The following EYA1 variants were observed in gnomAD, a reference collection of about 807,000 sequenced individuals.
The protein encoded by EYA1 is EYA transcriptional coactivator and phosphatase 1, also known as protein phosphatase EYA1.
Under a neutral mutation model 82.0 loss-of-function variants are expected in EYA1, and 16 were observed. That is an observed-to-expected ratio of 0.20 (90% CI 0.13 to 0.30). The LOEUF is 0.30. Ranked by LOEUF, EYA1 falls within the 10% of genes least tolerant of loss-of-function variation. The pLI, the probability that EYA1 is intolerant of heterozygous loss-of-function variation, is 1.00. For synonymous variants in EYA1, 261 were observed against 264.4 expected, an observed-to-expected ratio of 0.99 and a Z score of 0.12; for missense variants, 633 against 730.7, an observed-to-expected ratio of 0.87 and a Z score of 1.54.
chr8:71,377,480 A>C (rs977283978), intron 2 of EYA1, among the ~76,000 whole-genome samples: 2 of 152,130 alleles, frequency 1.3e-5, no homozygotes, highest in South Asian at 2.1e-4. Context: ...CATTGAAGTC[A>C]CTCTTGCAAA....
At chr8:71,306,955 G>C (rs1384934530) in intron 7 of EYA1, among the ~76,000 whole-genome samples, 1 of 152,176 alleles carries the variant, frequency 6.6e-6, no homozygotes, top group Non-Finnish European at 1.5e-5. Context: ...CCTTTGAAGG[G>C]CTTCATCTAG....
Position 71,467,802 on chromosome 8 carries a change from A to T in EYA1, c.33+67942T>A, listed in dbSNP as rs549341151. Among the ~76,000 whole-genome samples the T allele has an allele frequency of 1.1e-4, 17 of 152,332 alleles. No homozygotes were observed. The South Asian group carries it at 2.9e-3, about 26-fold the overall frequency. ...TAATAGGCTGATAATAATGATTTTC[A>T]TACATTAGAACATCTACAGATTGAG... On this transcript the variant is annotated intron_variant, in intron 2 of 18. Coordinates refer to the EYA1 transcript ENST00000643681.
chr8:71,422,414 C>A (rs1831192488), intron 2 of EYA1, among the ~76,000 whole-genome samples: 1 of 152,208 alleles, frequency 6.6e-6, no homozygotes, highest in South Asian at 2.1e-4. Context: ...AAAATACTTG[C>A]TTCTGTTGTT....
At chr8:71,416,853 G>A (rs10098152) in intron 2 of EYA1, among the ~76,000 whole-genome samples, 33,341 of 152,144 alleles carry the variant, frequency 0.22, 4,386 homozygotes, top group Non-Finnish European at 0.3. Context: ...AATATTGAGT[G>A]TCACCTTGAT....
chr8:71,199,182 C>G lies in EYA1; in HGVS notation c.*158G>C. On this transcript the variant is annotated 3_prime_UTR_variant, in exon 18 of 18. Coordinates refer to ENST00000340726, the MANE Select transcript of EYA1 (RefSeq NM_000503.6). ...GTTCTGATGAAATAGACGTGGTCCT[C>G]CATTCACCACAAAGGCAGAGGTCAA... 4.4e-6 allele frequency: 3 copies of G among 686,212 alleles called. No individual in the cohort carries two copies. Among genetic ancestry groups the G allele is most frequent in the Admixed American group, 2.0e-5 (1 of 49,330 alleles). 42.5% of individuals were successfully genotyped at this position (686,212 alleles called of 1,614,324 possible). A position where few individuals can be genotyped will look rare whatever the true frequency, so the allele number is the denominator to read the frequency against.
At chr8:71,312,519 T>C (rs1821454460) in intron 7 of EYA1, among the ~76,000 whole-genome samples, 1 of 152,222 alleles carries the variant, frequency 6.6e-6, no homozygotes, top group Admixed American at 6.5e-5. Flanking sequence ...CGATCTTGTC[T>C]CACTGAACCT....
At position 71,540,338 on chromosome 8, in the gene EYA1, C is replaced by T. The variant is rs76171595; in HGVS notation, c.-72-4490G>A. Among the ~76,000 whole-genome samples, 58 of 152,308 alleles carry T rather than the reference C, an allele frequency of 3.8e-4. No homozygotes were observed. The East Asian group carries it at 0.011, about 28-fold the overall frequency. On this transcript the variant is annotated intron_variant, in intron 1 of 18. Transcript: ENST00000643681. ...TCTTATTCTCTCCATCAGCTAAAGC[C>T]AGGCAATTGACAAAATAAGCAATAG...
rs78286651 is a variant in EYA1 at position 71,509,115 on chromosome 8, G to A, written c.33+26629C>T. On this transcript the variant is annotated intron_variant, in intron 2 of 18. Transcript: ENST00000643681. ...TGCCTGCTGTGGTCCCAGTTACTGG[G>A]GGAGGTGGAGGGTAGAGGCCAGAGA... is the stretch of plus-strand genomic sequence containing the variant. 7.1e-3 allele frequency among the ~76,000 whole-genome samples: 1,080 copies of A among 152,096 alleles called. 17 individuals carry two copies. The highest frequency in any genetic ancestry group is 0.025 in the African/African-American group (1,023 of 41,484).
chr8:71,280,048 A>T (rs1817642370), intron 9 of EYA1, among the ~76,000 whole-genome samples: 1 of 152,196 alleles, frequency 6.6e-6, no homozygotes, highest in Admixed American at 6.5e-5. Context: ...CCAGAACTAT[A>T]CATCTTGTGA....
At chr8:71,275,644 A>T (rs1304087701) in intron 9 of EYA1, among the ~76,000 whole-genome samples, 1 of 152,198 alleles carries the variant, frequency 6.6e-6, no homozygotes, top group Non-Finnish European at 1.5e-5. Flanking sequence ...CAGGAAGGAG[A>T]GAGTGATCAA....
intron 2 of EYA1, among the ~76,000 whole-genome samples, chr8:71,496,856 A>G (rs1349014904): frequency 6.6e-6 from 1 of 152,026 alleles, no homozygotes; most frequent in Non-Finnish European, 1.5e-5. Context: ...AAAGCCTGGT[A>G]TCTACCTCAC....
intron 9 of EYA1, among the ~76,000 whole-genome samples, chr8:71,282,451 C>T (rs981008401): frequency 6.6e-6 from 1 of 152,180 alleles, no homozygotes; most frequent in Admixed American, 6.5e-5. Flanking sequence ...CTCTAATGTT[C>T]CTCTTTGTCA....
intron 3 of EYA1, among the ~76,000 whole-genome samples, chr8:71,345,812 A>C (rs903966331): frequency 1.3e-5 from 2 of 152,134 alleles, no homozygotes; most frequent in African/African-American, 4.8e-5. Flanking sequence ...ATACTCCCTA[A>C]GTGCATTTCT....
At chr8:71,447,243 CT>C (rs1806965511) in intron 2 of EYA1, among the ~76,000 whole-genome samples, 1 of 152,106 alleles carries the variant, frequency 6.6e-6, no homozygotes, top group African/African-American at 2.4e-5. Flanking sequence ...CCAAATACAT[CT>C]TGCCTTAGAC....
At chr8:71,484,668 C>T (rs770210724) in intron 2 of EYA1, among the ~76,000 whole-genome samples, 2 of 152,230 alleles carry the variant, frequency 1.3e-5, no homozygotes, top group Admixed American at 6.5e-5. Flanking sequence ...AATTAGATTG[C>T]TGGCCATGTA....
chr8:71,536,510 A>G (rs1395603949), intron 1 of EYA1, among the ~76,000 whole-genome samples: 1 of 150,668 alleles, frequency 6.6e-6, no homozygotes, highest in Non-Finnish European at 1.5e-5. Context: ...AGCTATCTTC[A>G]AAAAAAAATA....
Position 71,494,022 on chromosome 8 carries a change from C to CAAAAAA in EYA1, c.33+41716_33+41721dup, listed in dbSNP as rs34340467. Among the ~76,000 whole-genome samples, 199 of 41,782 alleles carry CAAAAAA rather than the reference C, an allele frequency of 4.8e-3. 9 individuals carry two copies. The highest frequency in any genetic ancestry group is 0.017 in the Middle Eastern group (1 of 60). 27.4% of individuals were successfully genotyped at this position (41,782 alleles called of 152,430 possible). A position where few individuals can be genotyped will look rare whatever the true frequency, so the allele number is the denominator to read the frequency against. On this transcript the variant is annotated intron_variant, in intron 2 of 18. Transcript: ENST00000643681. ...TGGGCGACAGAGCGAGACTCCGTCT[C>CAAAAAA]AAAAAAAAAAAAAAAAAAAAAAAGA...
At chr8:71,273,585 A>G (rs1816797899) in intron 9 of EYA1, among the ~76,000 whole-genome samples, 1 of 152,212 alleles carries the variant, frequency 6.6e-6, no homozygotes, top group South Asian at 2.1e-4. Flanking sequence ...TTGAGGAAAA[A>G]GTCTTGGCCT....
At chr8:71,417,214 T>C (rs1202342235) in intron 2 of EYA1, among the ~76,000 whole-genome samples, 1 of 152,194 alleles carries the variant, frequency 6.6e-6, no homozygotes, top group Non-Finnish European at 1.5e-5. Context: ...CAGTACTCCT[T>C]AATAAATTCC....
Sources: gnomAD v4.1 joint callset for allele counts (sites outside exome capture counted in the v4.1 genomes callset) on GRCh38, gnomAD v4.1.1 for gene constraint, MANE v1.5 for transcripts, NCBI Gene and HGNC (gene_info 2026-07-23, HGNC 2026-07-21) for gene names.